The following EPS8L1 variants were observed in gnomAD, a reference collection of about 807,000 sequenced individuals.
EPS8L1 encodes EPS8 signaling adaptor L1.
In EPS8L1, 101 loss-of-function variants were observed where a neutral mutation model predicts 91.7. The ratio of observed to expected loss-of-function variants is 1.10; its 90% confidence interval spans 0.94 to 1.30. The LOEUF is 1.30. EPS8L1 is among the 50% of genes most tolerant of loss of function. The pLI is 0.00. For synonymous variants in EPS8L1, 506 were observed against 445.3 expected (o/e 1.14, Z -1.72); for missense variants, 1,114 against 1,017.0 (o/e 1.10, Z -1.30).
rs780350918 is a variant in EPS8L1 at position 55,082,144 on chromosome 19, C to T, written c.954C>T (p.Asp318=). Residue 318 remains aspartate, a synonymous_variant, in exon 10 of 20, where the codon GAC becomes GAT. Transcript: ENST00000201647. The part of the protein sequence containing the change: ...AKPPSEAEYT[D]VLQKIKYAFS... ...CGCCCTCGGAGGCCGAGTACACCGACGTGCTGCAGAAGATCAAGTACGCCT... is the reference window on the plus strand; with the variant it reads ...CGCCCTCGGAGGCCGAGTACACCGATGTGCTGCAGAAGATCAAGTACGCCT... The T allele has an allele frequency of 1.9e-6, 3 of 1,604,452 alleles. No individual in the cohort carries two copies. The highest frequency in any genetic ancestry group is 2.3e-5 in the East Asian group (1 of 44,432).
chr19:55,080,015 C>T (rs1412797464), intron 5 of EPS8L1, 114 bp from the exon 6 acceptor site: 1 of 1,436,324 alleles, frequency 7.0e-7, no homozygotes, highest in African/African-American at 1.4e-5. Context: ...GGGCTGTTAT[C>T]CCTAACCCCC....
intron 2 of EPS8L1, 74 bp from the exon 3 acceptor site, chr19:55,078,014 G>A (rs1256495727): frequency 1.5e-6 from 2 of 1,378,900 alleles, no homozygotes; most frequent in African/African-American, 2.9e-5. Context: ...TGAAGCCCTT[G>A]CTGCCCTGCT....
intron 4 of EPS8L1, among the ~76,000 whole-genome samples, chr19:55,079,414 G>A (rs1441809929): frequency 6.6e-6 from 1 of 152,160 alleles, no homozygotes; most frequent in Non-Finnish European, 1.5e-5. Context: ...GGAGACCCGA[G>A]GAGGCATTTA....
chr19:55,082,428 G>A (rs1331090525), intron 11 of EPS8L1, 26 bp from the exon 12 acceptor site: 6 of 1,611,304 alleles, frequency 3.7e-6, no homozygotes, highest in Non-Finnish European at 5.1e-6. Context: ...TGGCGGCACA[G>A]CCTGCCCCTC....
At chr19:55,077,039 G>A (rs1174290106) in intron 2 of EPS8L1, among the ~76,000 whole-genome samples, 1 of 152,144 alleles carries the variant, frequency 6.6e-6, no homozygotes, top group Non-Finnish European at 1.5e-5. Flanking sequence ...AGACTGGCAG[G>A]AGCAGGATGA....
intron 2 of EPS8L1, 122 bp downstream of exon 2, chr19:55,076,583 C>T (rs1472724397): frequency 4.1e-6 from 5 of 1,213,608 alleles, no homozygotes; most frequent in Non-Finnish European, 5.8e-6. Context: ...TGGCCCAAGC[C>T]CCGACACTCA....
chr19:55,087,254 T>G (rs1230325608), intron 18 of EPS8L1, 49 bp from the exon 19 acceptor site: 3 of 1,550,264 alleles, frequency 1.9e-6, no homozygotes, highest in East Asian at 4.8e-5. Flanking sequence ...TTGTCCGGGC[T>G]GGGGCATCCG....
Position 55,081,244 on chromosome 19 carries a change from G to T in EPS8L1, c.526G>T (p.Glu176Ter). ...RAAALRATQE[E>*]LQRDRSPAAE... Reference sequence around the variant, plus strand: ...CGCCCTCCGCAGGGCCACGCAGGAGGAGTTGCAGCGCGACCGCTCGCCCGC... The same window carrying T: ...CGCCCTCCGCAGGGCCACGCAGGAGTAGTTGCAGCGCGACCGCTCGCCCGC... The change falls in exon 8 of 20, where the codon GAG becomes TAG. Residue 176 changes from glutamate to a stop codon, truncating the protein, a stop_gained. Transcript: ENST00000201647. LOFTEE classifies it high-confidence loss of function. The surrounding 1 kb of genome is among the most constrained non-coding windows in gnomAD (Gnocchi z 4.9). 6.6e-7 allele frequency: 1 copy of T among 1,517,698 alleles called. No homozygotes were observed. Among genetic ancestry groups the T allele is most frequent in the Non-Finnish European group, 8.7e-7 (1 of 1,143,346 alleles). The allele number at this position is 1,517,698 out of a possible 1,614,324, so 94.0% of individuals were successfully genotyped here.
rs2076308969 is a variant in EPS8L1 at position 55,083,265 on chromosome 19, AGAATC to A, written c.1215-111_1215-107del. Reference sequence around the variant, plus strand: ...GGACTTGGTGAAAAGTGGCGGGGCTAGAATCGTTGGAATACAGCGAGCTTTAGGGG... The same window carrying A: ...GGACTTGGTGAAAAGTGGCGGGGCTAGTTGGAATACAGCGAGCTTTAGGGG... On this transcript the variant is annotated intron_variant, in intron 12 of 19. Transcript: ENST00000201647. This position sits in a 1 kb window ranked among gnomAD's most constrained non-coding sequence, Gnocchi z 4.7. 5 of 1,358,928 alleles carry A rather than the reference AGAATC, an allele frequency of 3.7e-6. No individual in the cohort carries two copies. The highest frequency in any genetic ancestry group is 4.0e-6 in the Non-Finnish European group (4 of 1,008,746). 84.2% of individuals were successfully genotyped at this position (1,358,928 alleles called of 1,614,324 possible).
In EPS8L1 at chr19:55,086,466, G is replaced by A. The variant is rs983601764; in HGVS notation, c.1725G>A (p.Arg575=). The A allele has an allele frequency of 6.4e-7, 1 of 1,552,156 alleles. No homozygotes were observed. Among genetic ancestry groups the A allele is most frequent in the African/African-American group, 1.4e-5 (1 of 73,236 alleles). ...PPALARPRWD[R]PRWDSCDSLN... is the part of the protein sequence containing the mutation. ...CTCTGGCTCGGCCCCGCTGGGACAG[G>A]CCCCGCTGGGACAGCTGCGATAGCC... is the stretch of plus-strand genomic sequence containing the variant. The change falls in exon 17 of 20, where the codon AGG becomes AGA. Residue 575 remains arginine, a synonymous_variant. Coordinates refer to ENST00000201647, the MANE Select transcript of EPS8L1 (RefSeq NM_133180.3).
chr19:55,082,514 T>G lies in EPS8L1; in HGVS notation c.1126T>G (p.Ser376Ala), dbSNP rs2076290841. 2 of 1,612,214 alleles carry G rather than the reference T, an allele frequency of 1.2e-6. No homozygotes were observed. The highest frequency in any genetic ancestry group is 2.7e-5 in the African/African-American group (2 of 74,844). Residue 376 changes from serine to alanine, a missense_variant, in exon 12 of 20, where the codon TCG (serine) becomes GCG (alanine). By Grantham distance (99) the Ser-to-Ala change is moderately conservative. Coordinates refer to ENST00000201647, the MANE Select transcript of EPS8L1 (RefSeq NM_133180.3). ...CAGTGTGCGGCGGCCGCATCTGACA[T>G]CGGATGCCGTGGCGCTGCTGCGGGA... ...ASSVRRPHLT[S>A]DAVALLRDNV...
chr19:55,076,268 G>A, intron 1 of EPS8L1, 140 bp from the exon 2 acceptor site: 2 of 676,400 alleles, frequency 3.0e-6, no homozygotes, highest in South Asian at 3.9e-5. Context: ...CTGGGTCTGA[G>A]GGAGGAGGGG....
At position 55,079,776 on chromosome 19, in the gene EPS8L1, G is replaced by A; in HGVS notation, c.204G>A (p.Gln68=). 2 of 1,614,154 alleles carry A rather than the reference G, an allele frequency of 1.2e-6. No homozygotes were observed. Among genetic ancestry groups the A allele is most frequent in the Non-Finnish European group, 8.5e-7 (1 of 1,180,020 alleles). The change falls in exon 5 of 20, where the codon CAG becomes CAA. Residue 68 remains glutamine (Q), a synonymous_variant. Coordinates refer to ENST00000201647, the MANE Select transcript of EPS8L1 (RefSeq NM_133180.3). Reference sequence around the variant, plus strand: ...GGAAGTTGGCCGTCATGGATAGCCAGGGCCGAGTCTGGGCACAGGAGATGC... The same window carrying A: ...GGAAGTTGGCCGTCATGGATAGCCAAGGCCGAGTCTGGGCACAGGAGATGC... ...ASRKLAVMDS[Q]GRVWAQEMLL...
intron 4 of EPS8L1, chr19:55,079,435 G>A (rs2076206286): frequency 3.4e-6 from 2 of 593,692 alleles, no homozygotes; most frequent in Admixed American, 3.0e-5. Flanking sequence ...GAAGGAGAGA[G>A]CTATAATCCA....
Position 55,080,216 on chromosome 19 carries a change from G to T in EPS8L1, c.367G>T (p.Val123Leu). 5 of 1,539,148 alleles carry T rather than the reference G, an allele frequency of 3.2e-6. No homozygotes were observed. The highest frequency in any genetic ancestry group is 4.4e-6 in the Non-Finnish European group (5 of 1,138,290). Residue 123 changes from valine to leucine, a missense_variant, in exon 6 of 20, where the codon GTG becomes TTG. Transcript: ENST00000201647. ...PGRSRSLLLL[V>L]CQEPERAQPD... ...CAGGAGCCGCTCGTTGCTGCTGCTC[G>T]TGTGCCAGGAACCCGAGCGCGCGCA... is the stretch of plus-strand genomic sequence containing the variant.
At chr19:55,082,846 C>T (rs1241644931) in intron 12 of EPS8L1, among the ~76,000 whole-genome samples, 2 of 92,118 alleles carry the variant, frequency 2.2e-5, no homozygotes, top group African/African-American at 8.5e-5. Flanking sequence ...AAAAGGGGGG[C>T]TTAAAGGAAT....
At chr19:55,076,336 T>A in intron 1 of EPS8L1, 72 bp from the exon 2 acceptor site, 2 of 1,387,188 alleles carry the variant, frequency 1.4e-6, no homozygotes, top group East Asian at 2.4e-5. Context: ...GATGCCTGCA[T>A]TGAGGGAGGA....
rs1016674956 is a variant in EPS8L1, at chr19:55,083,922, C to T, written c.1385+278C>T. On this transcript the variant is annotated intron_variant, in intron 14 of 19. Transcript: ENST00000201647. The surrounding 1 kb of genome is among the most constrained non-coding windows in gnomAD (Gnocchi z 4.7). The stretch of plus-strand genomic sequence containing the variant: ...GAAGGGGGCTGGGAGTGGGTAAAGT[C>T]TGAGAGGTTGGATCCCTGGATCCCC... 18 of 610,816 alleles carry T rather than the reference C, an allele frequency of 2.9e-5. No individual in the cohort carries two copies. The African/African-American group carries it at 3.3e-4, about 11-fold the overall frequency. The allele number at this position is 610,816 out of a possible 1,614,324, so 37.8% of individuals were successfully genotyped here. A position where few individuals can be genotyped will look rare whatever the true frequency, so the allele number is the denominator to read the frequency against.
chr19:55,080,640 G>A, intron 6 of EPS8L1, 132 bp from the exon 7 acceptor site: 3 of 1,563,710 alleles, frequency 1.9e-6, no homozygotes, highest in South Asian at 2.3e-5. Context: ...GGGCGTGGAC[G>A]TGCGTGGGTT....
Sources: gnomAD v4.1 joint callset for allele counts (sites outside exome capture counted in the v4.1 genomes callset) on GRCh38, gnomAD v4.1.1 for gene constraint, Gnocchi (gnomAD v3.1) non-coding constraint, MANE v1.5 for transcripts, NCBI Gene and HGNC (gene_info 2026-07-23, HGNC 2026-07-21) for gene names.